Variants in RDH16 observed in about 807,000 individuals in gnomAD.
The protein encoded by RDH16 is retinol dehydrogenase 16.
In RDH16, 25 loss-of-function variants were observed where a neutral mutation model predicts 22.3. The ratio of observed to expected loss-of-function variants is 1.12; its 90% CI spans 0.82 to 1.56. The LOEUF (loss-of-function observed/expected upper bound fraction) is 1.56, where lower values mean the gene tolerates loss of function less well. Ranked by LOEUF, RDH16 falls within the 40% of genes most tolerant of loss-of-function variation. RDH16 has a pLI of 0.00. For synonymous variants in RDH16, 154 were observed against 164.4 expected, an observed-to-expected ratio of 0.94 and a Z score of 0.48; for missense variants, 413 against 394.9, an observed-to-expected ratio of 1.05 and a Z score of -0.39.
At chr12:56,954,878 T>A (rs77956681) in intron 2 of RDH16, 28 bp downstream of exon 2, 1 of 1,611,942 alleles carries the variant, frequency 6.2e-7, no homozygotes, top group Non-Finnish European at 8.5e-7. Flanking sequence ...GCAGGAAGAC[T>A]AGGGTGGGCC....
chr12:56,952,533 T>C (rs1179626500), intron 3 of RDH16, among the ~76,000 whole-genome samples: 1 of 152,204 alleles, frequency 6.6e-6, no homozygotes, highest in Non-Finnish European at 1.5e-5. Flanking sequence ...ACAAGCTGTC[T>C]CTAATGCCAG....
At position 56,955,105 on chromosome 12, in the gene RDH16, G is replaced by C. The variant is rs199665669; in HGVS notation, c.373C>G (p.Leu125Val). ...ISLPTAPNEL[L>V]TKQDFVTILD... is the part of the protein sequence containing the mutation. Reference sequence around the variant, plus strand: ...ATGGTCACGAAGTCCTGCTTGGTGAGCAACTCATTGGGAGCCGTGGGCAAG... The same window carrying C: ...ATGGTCACGAAGTCCTGCTTGGTGACCAACTCATTGGGAGCCGTGGGCAAG... Residue 125 changes from leucine to valine, a missense_variant, in exon 2 of 4, where the codon CTC becomes GTC. Physicochemically the swap from Leu to Val is conservative, Grantham distance 32 (BLOSUM62 1). Coordinates refer to ENST00000398138, the MANE Select transcript of RDH16 (RefSeq NM_003708.5). 1 of 1,614,106 alleles carries C rather than the reference G, an allele frequency of 6.2e-7. No homozygotes were observed. Among genetic ancestry groups the C allele is most frequent in the African/African-American group, 1.3e-5 (1 of 75,036 alleles).
In RDH16 at chr12:56,952,027, C is replaced by G. The variant is rs1374797059; in HGVS notation, c.*2G>C. The G allele has an allele frequency of 1.2e-6, 2 of 1,613,572 alleles. No homozygotes were observed. The highest frequency in any genetic ancestry group is 1.7e-6 in the Non-Finnish European group (2 of 1,179,560). On this transcript the variant is annotated 3_prime_UTR_variant, in exon 4 of 4. Coordinates refer to ENST00000398138, the MANE Select transcript of RDH16 (RefSeq NM_003708.5). ...CATGCAACCATGCATCCAACCTTAG[C>G]TTCATAGAGCCTTGGCCGGGCTTGG...
chr12:56,957,562 A>C lies in RDH16; in HGVS notation c.-100T>G, dbSNP rs1344190676. The stretch of plus-strand genomic sequence containing the variant: ...AAGAACACAGAGGGCTGTGGTAGGC[A>C]GGGAAGCCCTCAGGCATTTTGGCAG... On this transcript the variant is annotated 5_prime_UTR_variant, in exon 1 of 4. Transcript: ENST00000398138. The C allele has an allele frequency of 1.3e-5, 18 of 1,352,740 alleles. No individual in the cohort carries two copies. The highest frequency in any genetic ancestry group is 2.3e-5 in the Admixed American group (1 of 43,696). The allele number at this position is 1,352,740 out of a possible 1,614,324, so 83.8% of individuals were successfully genotyped here. A position where few individuals can be genotyped will look rare whatever the true frequency, so the allele number is the denominator to read the frequency against.
chr12:56,957,240 C>T lies in RDH16; in HGVS notation c.223G>A (p.Asp75Asn). 1 of 1,614,196 alleles carries T rather than the reference C, an allele frequency of 6.2e-7. No homozygotes were observed. Among genetic ancestry groups the T allele is most frequent in the South Asian group, 1.1e-5 (1 of 91,080 alleles). ...TCCAGGGTCACCGTCTCCAGCCTGT[C>T]TGAAGTCTGGCCCCTCAGCTGCTCG... ...GAEQLRGQTS[D>N]RLETVTLDVT... Residue 75 changes from aspartate (D) to asparagine (N), a missense_variant, in exon 1 of 4, where the codon GAC (aspartate) becomes AAC (asparagine). Asp to Asn is a conservative substitution (Grantham distance 23). Coordinates refer to ENST00000398138, the MANE Select transcript of RDH16 (RefSeq NM_003708.5).
At chr12:56,954,383 C>G (rs1955907994) in intron 2 of RDH16, among the ~76,000 whole-genome samples, 1 of 152,206 alleles carries the variant, frequency 6.6e-6, no homozygotes, top group South Asian at 2.1e-4. Flanking sequence ...GGGACCAACA[C>G]ACACTGCTGT....
chr12:56,952,169 G>C lies in RDH16; in HGVS notation c.814C>G (p.Leu272Val). 2 of 1,614,196 alleles carry C rather than the reference G, an allele frequency of 1.2e-6. No individual in the cohort carries two copies. Among genetic ancestry groups the C allele is most frequent in the Non-Finnish European group, 1.7e-6 (2 of 1,180,036 alleles). ...CGAGTACGGGGGTGGCAGGCAATCA[G>C]CGCATGCTCCATGCAGTTGGTCACC... Reference protein sequence around the residue: ...SLVTNCMEHALIACHPRTRYS... With the variant: ...SLVTNCMEHAVIACHPRTRYS... Residue 272 changes from leucine (L) to valine (V), a missense_variant, in exon 4 of 4, where the codon CTG becomes GTG. By Grantham distance (32) the Leu-to-Val change is conservative. Transcript: ENST00000398138.
In RDH16 at chr12:56,956,117, G is replaced by A. The variant is rs918659921; in HGVS notation, c.314-953C>T. Among the ~76,000 whole-genome samples, 4 of 152,092 alleles carry A rather than the reference G, an allele frequency of 2.6e-5. No homozygotes were observed. In the East Asian group the frequency reaches 7.7e-4, roughly 29 times the overall value. ...TGTCCCCTGCTCAATAACAGGCCCT[G>A]CCCTGATGCAAATGCAGATTCCTCC... On this transcript the variant is annotated intron_variant, in intron 1 of 3. Transcript: ENST00000398138.
chr12:56,952,602 T>C (rs572563685), intron 3 of RDH16, among the ~76,000 whole-genome samples: 6 of 152,216 alleles, frequency 3.9e-5, no homozygotes, highest in African/African-American at 1.2e-4. Flanking sequence ...TCAGTAACGA[T>C]GGGTTCAGAT....
chr12:56,956,968 G>C (rs760959679), intron 1 of RDH16, among the ~76,000 whole-genome samples, 182 bp downstream of exon 1: 1 of 152,144 alleles, frequency 6.6e-6, no homozygotes, highest in Admixed American at 6.5e-5. Context: ...CTCCAATGTC[G>C]GGAGAGGTTA....
intron 2 of RDH16, 44 bp from the exon 3 acceptor site, chr12:56,953,034 G>A (rs755711740): frequency 6.4e-7 from 1 of 1,550,504 alleles, no homozygotes; most frequent in Non-Finnish European, 8.7e-7. Context: ...GGGGGTCTTG[G>A]AAGGTAAAAC....
At chr12:56,954,360 C>G (rs1227629486) in intron 2 of RDH16, among the ~76,000 whole-genome samples, 2 of 152,170 alleles carry the variant, frequency 1.3e-5, no homozygotes, top group Non-Finnish European at 2.9e-5. Context: ...GCTGGGAGAG[C>G]CTCCCTGGCT....
At position 56,957,149 on chromosome 12, in the gene RDH16, C is replaced by T. The variant is rs752575173; in HGVS notation, c.313+1G>A. 6.2e-7 allele frequency: 1 copy of T among 1,604,294 alleles called. No individual in the cohort carries two copies. The highest frequency in any genetic ancestry group is 1.3e-5 in the African/African-American group (1 of 74,768). On this transcript the variant is annotated splice_donor_variant, in intron 1 of 3. Coordinates refer to ENST00000398138, the MANE Select transcript of RDH16 (RefSeq NM_003708.5). LOFTEE classifies it high-confidence loss of function. Reference sequence around the variant, plus strand: ...CAGACTTGACAAACCTGGGTGGTTACCTTTGTCTCTCACGCACTCCTTCAC... The same window carrying T: ...CAGACTTGACAAACCTGGGTGGTTATCTTTGTCTCTCACGCACTCCTTCAC...
At chr12:56,955,288 G>A (rs1955918689) in intron 1 of RDH16, 124 bp from the exon 2 acceptor site, 5 of 1,207,912 alleles carry the variant, frequency 4.1e-6, no homozygotes, top group Non-Finnish European at 5.8e-6. Context: ...GGGGAGGAGG[G>A]TATAACAAAC....
chr12:56,952,778 A>G (rs1955893540), intron 3 of RDH16, 49 bp downstream of exon 3: 1 of 1,577,566 alleles, frequency 6.3e-7, no homozygotes, highest in South Asian at 1.2e-5. Context: ...TAGACCAAGG[A>G]TTCCACACGA....
chr12:56,952,988 C>T lies in RDH16; in HGVS notation c.575G>A (p.Arg192Lys). The change falls in exon 3 of 4, where the codon AGG (arginine) becomes AAG (lysine). Residue 192 changes from arginine (R) to lysine (K), a missense_variant and splice_region_variant. By Grantham distance (26) the Arg-to-Lys change is conservative. Coordinates refer to ENST00000398138, the MANE Select transcript of RDH16 (RefSeq NM_003708.5). ...GVEAFSDSLR[R>K]ELSYFGVKVA... ...CTTCACCCCAAAGTAGGAGAGTTCC[C>T]TCCTGCAAGACAGAGAAGCAGAGGG... is the stretch of plus-strand genomic sequence containing the variant. 1 of 1,610,250 alleles carries T rather than the reference C, an allele frequency of 6.2e-7. No individual in the cohort carries two copies. Among genetic ancestry groups the T allele is most frequent in the Non-Finnish European group, 8.5e-7 (1 of 1,178,286 alleles).
rs368124263 is a variant in RDH16, at chr12:56,952,045, G to A, written c.938C>T (p.Pro313Leu). The change falls in exon 4 of 4, where the codon CCG becomes CTG. Residue 313 changes from proline to leucine, a missense_variant. By Grantham distance (98) the Pro-to-Leu change is moderately conservative. Transcript: ENST00000398138. ...DAIMYWVSPS[P>L]AKAL ...ACCTTAGCTTCATAGAGCCTTGGCC[G>A]GGCTTGGAGAGACCCAGTACATAAT... is the stretch of plus-strand genomic sequence containing the variant. 19 of 1,613,852 alleles carry A rather than the reference G, an allele frequency of 1.2e-5. No individual in the cohort carries two copies. The East Asian group carries it at 1.3e-4, about 11-fold the overall frequency.
intron 2 of RDH16, among the ~76,000 whole-genome samples, chr12:56,954,497 A>G (rs1955909021): frequency 6.6e-6 from 1 of 152,158 alleles, no homozygotes; most frequent in Non-Finnish European, 1.5e-5. Context: ...TGCAATGGGA[A>G]GAAGTGTTTA....
intron 1 of RDH16, among the ~76,000 whole-genome samples, chr12:56,956,799 T>G (rs1267813292): frequency 2.0e-5 from 3 of 152,176 alleles, no homozygotes; most frequent in African/African-American, 7.2e-5. Flanking sequence ...TGCAGCCCTG[T>G]GCTCCCTTCT....
Sources: allele counts gnomAD v4.1 joint callset (sites outside exome capture counted in the v4.1 genomes callset), GRCh38; gene constraint gnomAD v4.1.1; transcripts MANE v1.5; gene names NCBI Gene and HGNC (gene_info 2026-07-23, HGNC 2026-07-21).